FMN1: variants seen among roughly 807,000 people sequenced by gnomAD.
FMN1 encodes the protein formin 1, also known as formin-1.
In FMN1, 110 loss-of-function variants were observed where a neutral mutation model predicts 132.4. That is an observed-to-expected ratio of 0.83 (90% CI 0.71 to 0.97). The LOEUF is 0.97. Among genes scored for constraint, FMN1 ranks in the 50% least tolerant of loss-of-function variants. The probability of loss-of-function intolerance (pLI) is 0.00; values close to 1 mark genes in which losing one functional copy is unlikely to be tolerated. For synonymous variants in FMN1, 722 were observed against 651.7 expected (o/e 1.11, Z -1.64); for missense variants, 1,792 against 1,705.3 (o/e 1.05, Z -0.90).
chr15:32,948,071 T>C (rs532370588), intron 9 of FMN1, among the ~76,000 whole-genome samples: 1 of 152,136 alleles, frequency 6.6e-6, no homozygotes, highest in East Asian at 1.9e-4. Context: ...GTCACATGCC[T>C]GCTTCGTGGA....
intron 9 of FMN1, among the ~76,000 whole-genome samples, chr15:32,959,285 C>G (rs1006328880): frequency 1.3e-5 from 2 of 152,146 alleles, no homozygotes; most frequent in Non-Finnish European, 2.9e-5. Context: ...TGCTCACCAC[C>G]TCTAAAACCA....
chr15:33,015,377 C>T (rs2034981538), intron 6 of FMN1, among the ~76,000 whole-genome samples: 2 of 152,174 alleles, frequency 1.3e-5, no homozygotes, highest in African/African-American at 4.8e-5. Context: ...ATTTCAATGG[C>T]TGGCACCGAC....
At chr15:33,092,043 C>T (rs557308189) in intron 4 of FMN1, among the ~76,000 whole-genome samples, 19 of 152,266 alleles carry the variant, frequency 1.2e-4, no homozygotes, top group Non-Finnish European at 2.2e-4. Context: ...ACAGTTTGAT[C>T]GATCACACAT....
At chr15:33,114,104 C>T (rs141635330) in intron 4 of FMN1, among the ~76,000 whole-genome samples, 2,404 of 152,298 alleles carry the variant, frequency 0.016, 36 homozygotes, top group Non-Finnish European at 0.025. Flanking sequence ...ATTGTCAGCC[C>T]GGTTTCCCTC....
At chr15:32,974,933 A>C (rs889418587) in intron 7 of FMN1, among the ~76,000 whole-genome samples, 1 of 152,118 alleles carries the variant, frequency 6.6e-6, no homozygotes, top group Admixed American at 6.6e-5. Context: ...GACAAGCCTA[A>C]ATTCTTTCCA....
chr15:33,048,644 A>AAAAAAAAAAAAAAAAAAAAAC, intron 6 of FMN1, among the ~76,000 whole-genome samples: 4 of 86,914 alleles, frequency 4.6e-5, no homozygotes, highest in Admixed American at 1.6e-4. Flanking sequence ...AAAAAAAAAA[A>AAAAAAAAAAAAAAAAAAAAAC]AAAAACCAAC....
chr15:33,008,475 A>G, intron 6 of FMN1, among the ~76,000 whole-genome samples: 1 of 152,068 alleles, frequency 6.6e-6, no homozygotes, highest in Non-Finnish European at 1.5e-5. Flanking sequence ...GTGAGATCAG[A>G]GCACTCTATT....
chr15:32,972,499 A>G (rs1160520665), intron 7 of FMN1, among the ~76,000 whole-genome samples: 2 of 152,170 alleles, frequency 1.3e-5, no homozygotes, highest in African/African-American at 2.4e-5. Flanking sequence ...TTCAATCAGC[A>G]CTTTTCAGTG....
At chr15:32,820,495 C>T (rs181293578) in intron 17 of FMN1, among the ~76,000 whole-genome samples, 40 of 151,872 alleles carry the variant, frequency 2.6e-4, no homozygotes, top group African/African-American at 9.0e-4. Flanking sequence ...CCCTCTGCAT[C>T]ACACCCTCTG....
rs558678238 is a variant in FMN1 at position 33,179,997 on chromosome 15, G to A, written c.-132+201C>T. On this transcript the variant is annotated intron_variant, in intron 3 of 20. Coordinates refer to ENST00000616417, the MANE Select transcript of FMN1 (RefSeq NM_001277313.2). ...AGCGTAAATACTTACTTTATTTAGG[G>A]GACAACTGGAATTTACTAATCTGCT... Among the ~76,000 whole-genome samples, 3 of 152,280 alleles carry A rather than the reference G, an allele frequency of 2.0e-5. No homozygotes were observed. The South Asian group carries it at 6.2e-4, about 32-fold the overall frequency.
chr15:32,945,240 T>C lies in FMN1; in HGVS notation c.3138+18867A>G, dbSNP rs183463148. Among the ~76,000 whole-genome samples, 289 of 152,284 alleles carry C rather than the reference T, an allele frequency of 1.9e-3. 2 individuals are homozygous for C. In the South Asian group the frequency reaches 0.022, roughly 11 times the overall value. On this transcript the variant is annotated intron_variant, in intron 9 of 20. Coordinates refer to ENST00000616417, the MANE Select transcript of FMN1 (RefSeq NM_001277313.2). ...GTGCCAATACATAGATATATGTATG[T>C]TTCTATAATCCCTGATTTCCAGAGG...
In FMN1 at chr15:33,137,695, C is replaced by A. The variant is rs143160237; in HGVS notation, c.1867+15353G>T. Among the ~76,000 whole-genome samples, 81 of 152,302 alleles carry A rather than the reference C, an allele frequency of 5.3e-4. 1 individual carries two copies. The East Asian group carries it at 0.015, about 28-fold the overall frequency. On this transcript the variant is annotated intron_variant, in intron 4 of 20. Coordinates refer to ENST00000616417, the MANE Select transcript of FMN1 (RefSeq NM_001277313.2). Reference sequence around the variant, plus strand: ...TAAAATGCTTGCACATTTCTTTACACTGGGGTATGGCTTCTCTACATGATT... The same window carrying A: ...TAAAATGCTTGCACATTTCTTTACAATGGGGTATGGCTTCTCTACATGATT...
chr15:33,101,691 G>C (rs1025029108), intron 4 of FMN1, among the ~76,000 whole-genome samples: 1 of 152,092 alleles, frequency 6.6e-6, no homozygotes, highest in Non-Finnish European at 1.5e-5. Context: ...CTAACAACAA[G>C]AGACTTTATG....
intron 4 of FMN1, chr15:33,106,152 G>A (rs867837141): frequency 2.6e-4 from 39 of 152,002 alleles, no homozygotes; most frequent in African/African-American, 8.9e-4. Flanking sequence ...TTTTGCTTAT[G>A]GGATTCTCAG....
intron 9 of FMN1, among the ~76,000 whole-genome samples, chr15:32,955,343 G>A (rs1199753964): frequency 1.3e-5 from 2 of 152,250 alleles, no homozygotes; most frequent in African/African-American, 4.8e-5. Context: ...CATGGGAGAT[G>A]TGTGTATTTT....
chr15:33,040,927 G>A lies in FMN1; in HGVS notation c.2161+24030C>T, dbSNP rs186659578. Among the ~76,000 whole-genome samples, 314 of 152,140 alleles carry A rather than the reference G, an allele frequency of 2.1e-3. 2 individuals are homozygous for A. Among genetic ancestry groups the A allele is most frequent in the Non-Finnish European group, 3.4e-3 (233 of 67,984 alleles). On this transcript the variant is annotated intron_variant, in intron 6 of 20. Transcript: ENST00000616417. Reference sequence around the variant, plus strand: ...TACTACAGAGTCACTGGATACTTTGGTACTTAAAATACAGAAAATGTCTCC... The same window carrying A: ...TACTACAGAGTCACTGGATACTTTGATACTTAAAATACAGAAAATGTCTCC...
At chr15:33,115,115 T>C (rs910522900) in intron 4 of FMN1, among the ~76,000 whole-genome samples, 1 of 152,184 alleles carries the variant, frequency 6.6e-6, no homozygotes, top group African/African-American at 2.4e-5. Flanking sequence ...CAAAGATAAC[T>C]AAGACAAGGC....
intron 15 of FMN1, among the ~76,000 whole-genome samples, chr15:32,889,840 T>C (rs970413728): frequency 2.6e-5 from 4 of 152,188 alleles, no homozygotes; most frequent in Non-Finnish European, 4.4e-5. Context: ...AGTTCTTTAG[T>C]GGTGATTTGT....
chr15:33,083,199 T>G (rs374954939), intron 5 of FMN1, among the ~76,000 whole-genome samples: 1 of 152,218 alleles, frequency 6.6e-6, no homozygotes, highest in Non-Finnish European at 1.5e-5. Context: ...TCTTAAGTGA[T>G]AAGAGCCATA....
Sources: allele counts gnomAD v4.1 joint callset (sites outside exome capture counted in the v4.1 genomes callset), GRCh38; gene constraint gnomAD v4.1.1; transcripts MANE v1.5; gene names NCBI Gene and HGNC (gene_info 2026-07-23, HGNC 2026-07-21).